Variants in NR3C2 observed in about 807,000 individuals in gnomAD.
NR3C2 encodes nuclear receptor subfamily 3 group C member 2, also known as mineralocorticoid receptor.
Under a neutral mutation model 86.4 loss-of-function variants are expected in NR3C2, and 15 were observed. That is an observed-to-expected ratio of 0.17 (90% CI 0.12 to 0.27). NR3C2 has a LOEUF of 0.27. NR3C2 is among the 10% of genes least tolerant of loss of function. The pLI is 1.00. For missense variants in NR3C2, 960 were observed against 1,195.6 expected (o/e 0.80, Z 2.91); for synonymous variants, 458 against 450.5 (o/e 1.02, Z -0.21).
intron 2 of NR3C2, among the ~76,000 whole-genome samples, chr4:148,363,414 T>C (rs1409508838): frequency 6.6e-6 from 1 of 151,732 alleles, no homozygotes; most frequent in South Asian, 2.1e-4. Context: ...AATATATTTA[T>C]GTATCAAAGT....
intron 2 of NR3C2, among the ~76,000 whole-genome samples, chr4:148,366,326 C>T (rs1288290917): frequency 7.5e-6 from 1 of 133,926 alleles, no homozygotes; most frequent in East Asian, 2.1e-4. Flanking sequence ...GCAGTCATGG[C>T]TTGCTCCCTG....
chr4:148,424,456 A>C lies in NR3C2; in HGVS notation c.1757+10648T>G, dbSNP rs72732326. On this transcript the variant is annotated intron_variant, in intron 2 of 8. Coordinates refer to ENST00000358102, the MANE Select transcript of NR3C2 (RefSeq NM_000901.5). ...CCTAGGTTTTTACTGAACAAAAAAA[A>C]CCATATGTCTATGCAGATATTTGTA... Among the ~76,000 whole-genome samples, 10 of 152,214 alleles carry C rather than the reference A, an allele frequency of 6.6e-5. 1 individual carries two copies. In the South Asian group the frequency reaches 1.7e-3, roughly 25 times the overall value.
intron 7 of NR3C2, among the ~76,000 whole-genome samples, chr4:148,118,492 T>G (rs960843137): frequency 6.6e-6 from 1 of 152,158 alleles, no homozygotes; most frequent in African/African-American, 2.4e-5. Context: ...CTCCACTGGC[T>G]CTCTCTGGAT....
At chr4:148,135,350 G>A (rs572253193) in intron 6 of NR3C2, among the ~76,000 whole-genome samples, 35 of 152,182 alleles carry the variant, frequency 2.3e-4, no homozygotes, top group African/African-American at 7.5e-4. Context: ...TGAGGGGGGT[G>A]AGTTTGGCCC....
intron 2 of NR3C2, among the ~76,000 whole-genome samples, chr4:148,416,079 T>C (rs1482322500): frequency 6.6e-6 from 1 of 152,186 alleles, no homozygotes; most frequent in African/African-American, 2.4e-5. Flanking sequence ...TGATTTCCTA[T>C]AAATTTTCTT....
chr4:148,334,543 AAAACAAAC>A (rs563560612), intron 2 of NR3C2, among the ~76,000 whole-genome samples: 3 of 152,216 alleles, frequency 2.0e-5, no homozygotes, highest in African/African-American at 7.2e-5. Context: ...CTCCATCTCA[AAAACAAAC>A]AAACAAACAA....
intron 2 of NR3C2, among the ~76,000 whole-genome samples, chr4:148,384,521 T>A (rs1357206805): frequency 6.6e-6 from 1 of 152,146 alleles, no homozygotes; most frequent in Admixed American, 6.5e-5. Context: ...ACTATGCATA[T>A]CAACAACATA....
chr4:148,298,617 TAGAAC>T (rs1408767206), intron 2 of NR3C2, among the ~76,000 whole-genome samples: 1 of 152,170 alleles, frequency 6.6e-6, no homozygotes, highest in Non-Finnish European at 1.5e-5. Flanking sequence ...GTGGATATCT[TAGAAC>T]AGACAGCTGA....
At position 148,120,269 on chromosome 4, in the gene NR3C2, C is replaced by A. The variant is rs781043974; in HGVS notation, c.2530G>T (p.Ala844Ser). 6.2e-7 allele frequency: 1 copy of A among 1,614,072 alleles called. No homozygotes were observed. The highest frequency in any genetic ancestry group is 8.5e-7 in the Non-Finnish European group (1 of 1,179,968). Residue 844 changes from alanine to serine, a missense_variant, in exon 7 of 9, where the codon GCC (alanine) becomes TCC (serine). Physicochemically the swap from Ala to Ser is moderately conservative, Grantham distance 99 (BLOSUM62 1). This residue lies in a region of NR3C2 where 151 missense variants were observed against 296.3 expected (regional missense o/e 0.51). Coordinates refer to ENST00000358102, the MANE Select transcript of NR3C2 (RefSeq NM_000901.5). ...VFNEEKMHQS[A>S]MYELCQGMHQ... ...ATCCCCTGGCATAGTTCATACATGG[C>A]AGACTGATGCATCTTCTCTCTGCAA...
intron 2 of NR3C2, among the ~76,000 whole-genome samples, chr4:148,403,677 C>T (rs72658624): frequency 7.4e-4 from 113 of 152,086 alleles, no homozygotes; most frequent in African/African-American, 2.5e-3. Context: ...GATTTGATCA[C>T]AGTAATTTGC....
intron 3 of NR3C2, among the ~76,000 whole-genome samples, chr4:148,222,826 G>A (rs1236012114): frequency 6.6e-6 from 1 of 152,144 alleles, no homozygotes; most frequent in Non-Finnish European, 1.5e-5. Flanking sequence ...TGTACTGTGT[G>A]CCTACCAGCT....
At chr4:148,377,804 C>T (rs1196748907) in intron 2 of NR3C2, among the ~76,000 whole-genome samples, 3 of 152,088 alleles carry the variant, frequency 2.0e-5, no homozygotes, top group Non-Finnish European at 4.4e-5. Flanking sequence ...TTCCATTGTT[C>T]TGTTCCTTGC....
chr4:148,152,308 T>G (rs1734138393), intron 6 of NR3C2, 161 bp downstream of exon 6: 1 of 686,172 alleles, frequency 1.5e-6, no homozygotes, highest in South Asian at 1.8e-5. Context: ...TTGCAAAGAG[T>G]AATTTTTTAA....
Position 148,260,063 on chromosome 4 carries a change from C to A in NR3C2, c.1812G>T (p.Leu604Phe). 3.7e-6 allele frequency: 6 copies of A among 1,614,066 alleles called. No homozygotes were observed. The highest frequency in any genetic ancestry group is 5.1e-6 in the Non-Finnish European group (6 of 1,180,004). ...ATCCTGAAGCCTCATCCCCACACAC[C>A]AAACATATTTTTGAAGGTCTTGAAG... ...TGSSRPSKIC[L>F]VCGDEASGCH... The change falls in exon 3 of 9, where the codon TTG (leucine) becomes TTT (phenylalanine). Residue 604 changes from leucine (L) to phenylalanine (F), a missense_variant. Physicochemically the swap from Leu to Phe is conservative, Grantham distance 22. Around this residue, in one of 4 missense-constraint regions of NR3C2, gnomAD observed 47 missense variants for 107.3 expected, o/e 0.44. Transcript: ENST00000358102.
intron 2 of NR3C2, among the ~76,000 whole-genome samples, chr4:148,327,438 CAAAAA>C: frequency 1.3e-5 from 2 of 152,154 alleles, no homozygotes; most frequent in Middle Eastern, 6.8e-3. Context: ...AAAACAAAAA[CAAAAA>C]GAAACCCTAA....
chr4:148,316,139 T>C (rs1434953421), intron 2 of NR3C2, among the ~76,000 whole-genome samples: 1 of 152,158 alleles, frequency 6.6e-6, no homozygotes, highest in Non-Finnish European at 1.5e-5. Context: ...ATGCTTACGA[T>C]ATGCTAAGCA....
chr4:148,124,957 C>G (rs1270665887), intron 6 of NR3C2, among the ~76,000 whole-genome samples: 1 of 152,108 alleles, frequency 6.6e-6, no homozygotes, highest in Non-Finnish European at 1.5e-5. Flanking sequence ...AGGTATTTTT[C>G]CTTTACATAT....
intron 3 of NR3C2, among the ~76,000 whole-genome samples, chr4:148,217,609 G>C (rs1480229574): frequency 6.6e-6 from 1 of 152,092 alleles, no homozygotes; most frequent in East Asian, 1.9e-4. Context: ...TTTTCTTTTT[G>C]CTGACCTATG....
chr4:148,444,797 C>G (rs1043744636), upstream of NR3C2: 1 of 984,990 alleles, frequency 1.0e-6, no homozygotes, highest in African/African-American at 1.7e-5. Context: ...GGCCGGGCCT[C>G]TGGCGGGCCC....
Sources: allele counts gnomAD v4.1 joint callset (sites outside exome capture counted in the v4.1 genomes callset), GRCh38; gene constraint gnomAD v4.1.1; regional missense constraint gnomAD v4.1.1; transcripts MANE v1.5; gene names NCBI Gene and HGNC (gene_info 2026-07-23, HGNC 2026-07-21).